The following TMEM248 variants were observed in gnomAD, a reference collection of about 807,000 sequenced individuals.
The protein encoded by TMEM248 is transmembrane protein 248.
A neutral mutation model predicts 30.3 loss-of-function variants in TMEM248; 9 were observed. That is an observed-to-expected ratio of 0.30 (90% CI 0.18 to 0.52). The LOEUF is 0.52. Ranked by LOEUF, TMEM248 falls within the 20% of genes least tolerant of loss-of-function variation. The pLI, the probability that TMEM248 is intolerant of heterozygous loss-of-function variation, is 0.97. For missense variants in TMEM248, 338 were observed against 403.3 expected, an observed-to-expected ratio of 0.84 and a Z score of 1.39; for synonymous variants, 184 against 154.4, an observed-to-expected ratio of 1.19 and a Z score of -1.42.
chr7:66,924,366 G>C (rs936521749), intron 1 of TMEM248, among the ~76,000 whole-genome samples: 3 of 152,162 alleles, frequency 2.0e-5, no homozygotes, highest in Non-Finnish European at 4.4e-5. Context: ...ACTGATCTCA[G>C]GACCTCACTG....
At chr7:66,951,395 C>G in intron 5 of TMEM248, 2 of 342,350 alleles carry the variant, frequency 5.8e-6, no homozygotes, top group East Asian at 9.5e-5. Context: ...GAGCAACTGC[C>G]TAATCCCTGG....
chr7:66,933,828 C>T (rs936330101), intron 1 of TMEM248, among the ~76,000 whole-genome samples: 2 of 152,200 alleles, frequency 1.3e-5, no homozygotes, highest in Non-Finnish European at 2.9e-5. Flanking sequence ...CCCTAAATCC[C>T]TGAACTTTTC....
At chr7:66,942,863 TTGG>T (rs1463000620) in intron 2 of TMEM248, among the ~76,000 whole-genome samples, 1 of 148,828 alleles carries the variant, frequency 6.7e-6, no homozygotes, top group Non-Finnish European at 1.5e-5. Flanking sequence ...CTTGGGTTTG[TTGG>T]TGGGTGGAGG....
At chr7:66,925,690 TTTTC>T (rs1378785894) in intron 1 of TMEM248, among the ~76,000 whole-genome samples, 1 of 150,696 alleles carries the variant, frequency 6.6e-6, no homozygotes, top group African/African-American at 2.4e-5. Context: ...ATTTGTAGTT[TTTTC>T]TTTTTTTTTT....
At chr7:66,930,754 C>G (rs535771358) in intron 1 of TMEM248, 12 of 152,592 alleles carry the variant, frequency 7.9e-5, no homozygotes, top group African/African-American at 2.9e-4. Flanking sequence ...AATCTGGCAT[C>G]GCATCGATGA....
intron 5 of TMEM248, 153 bp downstream of exon 5, chr7:66,951,288 G>A (rs1197242613): frequency 2.3e-5 from 14 of 616,846 alleles, no homozygotes; most frequent in Admixed American, 4.3e-5. Context: ...GACACTAGGC[G>A]GAGTGGTGGA....
intron 1 of TMEM248, among the ~76,000 whole-genome samples, chr7:66,923,676 G>GT (rs1491222151): frequency 6.6e-6 from 1 of 151,976 alleles, no homozygotes; most frequent in Admixed American, 6.6e-5. Context: ...AGATTTCTGG[G>GT]TTTTTTTGTT....
At position 66,953,232 on chromosome 7, in the gene TMEM248, C is replaced by A. The variant is rs747324403; in HGVS notation, c.787C>A (p.Arg263Ser). The A allele has an allele frequency of 6.2e-7, 1 of 1,613,730 alleles. No individual in the cohort carries two copies. The highest frequency in any genetic ancestry group is 8.5e-7 in the Non-Finnish European group (1 of 1,179,890). ...TTTTCTCTTCTTTATTTAGGATGAC[C>A]GTTCATTAATAAATTTGCATCTCAT... Reference protein sequence around the residue: ...KLTVIVPDDDRSLINLHLMHT... With the variant: ...KLTVIVPDDDSSLINLHLMHT... The change falls in exon 6 of 7, where the codon CGT becomes AGT. Residue 263 changes from arginine to serine, a missense_variant. Arg to Ser is a moderately radical substitution (Grantham distance 110, BLOSUM62 -1). Coordinates refer to ENST00000341567, the MANE Select transcript of TMEM248 (RefSeq NM_017994.5).
chr7:66,926,130 TG>T (rs2129220246), intron 1 of TMEM248, among the ~76,000 whole-genome samples: 1 of 152,286 alleles, frequency 6.6e-6, no homozygotes, highest in African/African-American at 2.4e-5. Context: ...CTCTAGTGAT[TG>T]TGATATGTTG....
rs555165328 is a variant in TMEM248 at position 66,957,272 on chromosome 7, T to C, written c.*1750T>C. ...ATTAGTTCCTGCATTCTGAAATACA[T>C]TGGCCTAGAACATTTTATCCCAGGC... On this transcript the variant is annotated 3_prime_UTR_variant, in exon 7 of 7. Coordinates refer to ENST00000341567, the MANE Select transcript of TMEM248 (RefSeq NM_017994.5). 14 of 152,640 alleles carry C rather than the reference T, an allele frequency of 9.2e-5. No homozygotes were observed. Among genetic ancestry groups the C allele is most frequent in the African/African-American group, 3.1e-4 (13 of 41,584 alleles). The allele number at this position is 152,640 out of a possible 1,614,324, so 9.5% of individuals were successfully genotyped here. A position where few individuals can be genotyped will look rare whatever the true frequency, so the allele number is the denominator to read the frequency against.
chr7:66,952,321 A>C (rs1584417354), intron 5 of TMEM248, among the ~76,000 whole-genome samples: 1 of 151,948 alleles, frequency 6.6e-6, no homozygotes, highest in East Asian at 1.9e-4. Flanking sequence ...TGATCCTCCC[A>C]CCTCAGCCTC....
At chr7:66,933,991 A>C (rs1284004425) in intron 1 of TMEM248, among the ~76,000 whole-genome samples, 1 of 150,980 alleles carries the variant, frequency 6.6e-6, no homozygotes. Flanking sequence ...AACAGAACTT[A>C]ATTTATTCAT....
chr7:66,923,133 A>G lies in TMEM248; in HGVS notation c.-19+1672A>G, dbSNP rs1458779429. On this transcript the variant is annotated intron_variant, in intron 1 of 6. Coordinates refer to ENST00000341567, the MANE Select transcript of TMEM248 (RefSeq NM_017994.5). Reference sequence around the variant, plus strand: ...AACTGTTCAGGATTTTGTTATGGTTAGGATCAGAAACTAACTTTTTTTTTT... The same window carrying G: ...AACTGTTCAGGATTTTGTTATGGTTGGGATCAGAAACTAACTTTTTTTTTT... 3.3e-5 allele frequency among the ~76,000 whole-genome samples: 5 copies of G among 151,890 alleles called. No homozygotes were observed. In the East Asian group the frequency reaches 9.7e-4, roughly 29 times the overall value.
intron 2 of TMEM248, among the ~76,000 whole-genome samples, chr7:66,944,273 T>G (rs1420431490): frequency 6.6e-6 from 1 of 151,306 alleles, no homozygotes; most frequent in African/African-American, 2.4e-5. Context: ...CCCGGCTAAT[T>G]ATTGTATTTT....
At chr7:66,924,529 T>A (rs562206251) in intron 1 of TMEM248, among the ~76,000 whole-genome samples, 1 of 152,094 alleles carries the variant, frequency 6.6e-6, no homozygotes, top group Non-Finnish European at 1.5e-5. Flanking sequence ...CTCAGCCTCT[T>A]GAGTAGCTGG....
intron 1 of TMEM248, among the ~76,000 whole-genome samples, chr7:66,941,501 G>A (rs367924785): frequency 6.6e-5 from 10 of 151,662 alleles, no homozygotes; most frequent in African/African-American, 1.9e-4. Flanking sequence ...GCTGCCGTGA[G>A]CTATGATCAC....
In TMEM248 at chr7:66,942,007, TC is replaced by T; in HGVS notation, c.146del (p.Pro49GlnfsTer41). On this transcript the variant is annotated frameshift_variant, in exon 2 of 7. Coordinates refer to ENST00000341567, the MANE Select transcript of TMEM248 (RefSeq NM_017994.5). LOFTEE classifies it high-confidence loss of function. Reference protein sequence around the residue: ...GYFFKIKEIKSPEMAEDWNTF... With the variant: ...GYFFKIKEIKXPEMAEDWNTF... The stretch of plus-strand genomic sequence containing the variant: ...CTTCTTCAAAATCAAGGAGATTAAA[TC>T]CCCAGAAATGGCAGAGGTATAGTAT... 6.2e-7 allele frequency: 1 copy of T among 1,614,036 alleles called. No individual in the cohort carries two copies. The highest frequency in any genetic ancestry group is 8.5e-7 in the Non-Finnish European group (1 of 1,179,982).
At chr7:66,933,249 C>T (rs1326154384) in intron 1 of TMEM248, among the ~76,000 whole-genome samples, 2 of 152,042 alleles carry the variant, frequency 1.3e-5, no homozygotes, top group Non-Finnish European at 1.5e-5. Context: ...AGCTCACTGC[C>T]GCCTCAAACT....
At chr7:66,921,750 C>G (rs955770279) in intron 1 of TMEM248, 4 of 152,216 alleles carry the variant, frequency 2.6e-5, no homozygotes, top group African/African-American at 9.6e-5. Context: ...CTGGATAATT[C>G]GGATTTGGCA....
Sources: gnomAD v4.1 joint callset for allele counts (sites outside exome capture counted in the v4.1 genomes callset) on GRCh38, gnomAD v4.1.1 for gene constraint, MANE v1.5 for transcripts, NCBI Gene and HGNC (gene_info 2026-07-23, HGNC 2026-07-21) for gene names.